Variants in VPS35L observed in about 807,000 individuals in gnomAD.
VPS35L encodes VPS35 endosomal protein sorting factor like, also known as VPS35 endosomal protein-sorting factor-like.
VPS35L carries 83 observed loss-of-function variants against 133.0 expected under a neutral mutation model. The ratio of observed to expected loss-of-function variants is 0.62; its 90% CI spans 0.52 to 0.75. The LOEUF (loss-of-function observed/expected upper bound fraction) is 0.75. Among genes scored for constraint, VPS35L ranks in the 30% least tolerant of loss-of-function variants. The pLI is 0.00. For missense variants in VPS35L, 1,083 were observed against 1,206.8 expected, an observed-to-expected ratio of 0.90 and a Z score of 1.52; for synonymous variants, 423 against 449.9, an observed-to-expected ratio of 0.94 and a Z score of 0.76.
At chr16:19,603,584 T>TAG (rs1972453651) in intron 9 of VPS35L, among the ~76,000 whole-genome samples, 2 of 152,152 alleles carry the variant, frequency 1.3e-5, no homozygotes, top group Non-Finnish European at 2.9e-5. Context: ...GTCACACCTG[T>TAG]GACGATGTTT....
rs183066058 is a variant in VPS35L at position 19,689,903 on chromosome 16, C to T, written c.2528-1450C>T. On this transcript the variant is annotated intron_variant, in intron 28 of 30. Coordinates refer to ENST00000417362, the MANE Select transcript of VPS35L (RefSeq NM_020314.7). ...ATTGTATGCTGATATAAAAATAGCA[C>T]GAAGATTTATTTTATTTTGTTTATT... is the stretch of plus-strand genomic sequence containing the variant. Among the ~76,000 whole-genome samples the T allele has an allele frequency of 3.0e-3, 449 of 152,172 alleles. 2 individuals are homozygous for T. Among genetic ancestry groups the T allele is most frequent in the African/African-American group, 0.01 (418 of 41,494 alleles).
intron 3 of VPS35L, among the ~76,000 whole-genome samples, chr16:19,571,784 A>G (rs1971393374): frequency 6.6e-6 from 1 of 150,986 alleles, no homozygotes; most frequent in Non-Finnish European, 1.5e-5. Flanking sequence ...ACCTCAGGTG[A>G]TCTGCCCACA....
rs777680155 is a variant in VPS35L at position 19,652,027 on chromosome 16, A to G, written c.2158A>G (p.Thr720Ala). 2 of 1,613,424 alleles carry G rather than the reference A, an allele frequency of 1.2e-6. No homozygotes were observed. Among genetic ancestry groups the G allele is most frequent in the Non-Finnish European group, 1.7e-6 (2 of 1,179,782 alleles). Residue 720 changes from threonine (T) to alanine (A), a missense_variant, in exon 26 of 31, where the codon ACA becomes GCA. Thr to Ala is a moderately conservative substitution (Grantham distance 58). Transcript: ENST00000417362. ...ITIPSLAGIFTRLNLYLHSGQ... is the reference protein window; with the variant it reads ...ITIPSLAGIFARLNLYLHSGQ... Reference sequence around the variant, plus strand: ...CATCCCCTCCCTGGCGGGCATCTTCACACGTCTCAATCTCTACCTGCATTC... The same window carrying G: ...CATCCCCTCCCTGGCGGGCATCTTCGCACGTCTCAATCTCTACCTGCATTC...
chr16:19,579,516 T>C (rs150203563), intron 6 of VPS35L: 2,132 of 157,238 alleles, frequency 0.014, 26 homozygotes, highest in Non-Finnish European at 0.02. Context: ...GCCAACATGG[T>C]GAAACCCTGA....
At chr16:19,590,117 T>C (rs971235356) in intron 7 of VPS35L, among the ~76,000 whole-genome samples, 1 of 149,516 alleles carries the variant, frequency 6.7e-6, no homozygotes, top group African/African-American at 2.5e-5. Context: ...ACTATTGTTT[T>C]TACAGCTTAC....
At chr16:19,578,000 A>T (rs1160473282) in intron 5 of VPS35L, among the ~76,000 whole-genome samples, 1 of 152,258 alleles carries the variant, frequency 6.6e-6, no homozygotes, top group African/African-American at 2.4e-5. Flanking sequence ...ACAATGAGCC[A>T]ACCCTTTGAT....
chr16:19,569,465 C>A lies in VPS35L; in HGVS notation c.159C>A (p.Ser53Arg). 6.2e-7 allele frequency: 1 copy of A among 1,604,754 alleles called. No homozygotes were observed. The highest frequency in any genetic ancestry group is 8.5e-7 in the Non-Finnish European group (1 of 1,175,848). The change falls in exon 3 of 31, where the codon AGC becomes AGA. Residue 53 changes from serine (S) to arginine (R), a missense_variant. Physicochemically the swap from Ser to Arg is moderately radical, Grantham distance 110. Transcript: ENST00000417362. ...SKTKKVNRKG[S>R]TSSTSSSSSS... is the part of the protein sequence containing the mutation. ...CAAAGAAAGTGAACCGGAAAGGAAG[C>A]ACTTCTTCCACGTCCTCCTCCTCCT...
rs186703807 is a variant in VPS35L, at chr16:19,667,459, T to A, written c.2222-1701T>A. ...GCTTAGAAAATAAGTGTTGGCCCAA[T>A]GCGGTGGCTCACGCCTGTAATCCCA... is the stretch of plus-strand genomic sequence containing the variant. On this transcript the variant is annotated intron_variant, in intron 26 of 30. Coordinates refer to ENST00000417362, the MANE Select transcript of VPS35L (RefSeq NM_020314.7). 2.6e-5 allele frequency among the ~76,000 whole-genome samples: 4 copies of A among 152,216 alleles called. No individual in the cohort carries two copies. In the East Asian group the frequency reaches 7.7e-4, roughly 29 times the overall value.
chr16:19,691,220 C>T, intron 28 of VPS35L, 133 bp from the exon 29 acceptor site: 1 of 702,658 alleles, frequency 1.4e-6, no homozygotes, highest in African/African-American at 1.8e-5. Flanking sequence ...GGGAAATTTC[C>T]GCCACTTCCA....
At chr16:19,691,221 G>C in intron 28 of VPS35L, 132 bp from the exon 29 acceptor site, 1 of 706,810 alleles carries the variant, frequency 1.4e-6, no homozygotes, top group South Asian at 1.7e-5. Context: ...GGAAATTTCC[G>C]CCACTTCCAT....
rs56019500 is a variant in VPS35L at position 19,627,056 on chromosome 16, T to C, written c.1272-638T>C. Among the ~76,000 whole-genome samples the C allele has an allele frequency of 5.8e-3, 884 of 151,718 alleles. 11 individuals are homozygous for C. The highest frequency in any genetic ancestry group is 0.02 in the African/African-American group (824 of 41,400). ...CAGCACTTTGGGAGGCTGAGACGGG[T>C]GGATCACCTGAGGTCAGGAGTTTGA... On this transcript the variant is annotated intron_variant, in intron 15 of 30. Transcript: ENST00000417362.
intron 18 of VPS35L, among the ~76,000 whole-genome samples, chr16:19,631,503 T>C (rs894713255): frequency 6.6e-6 from 1 of 152,154 alleles, no homozygotes; most frequent in East Asian, 1.9e-4. Flanking sequence ...TTTGGTCCTA[T>C]TTTTATTTTA....
chr16:19,600,477 G>C (rs1972347878), intron 8 of VPS35L, among the ~76,000 whole-genome samples: 1 of 152,292 alleles, frequency 6.6e-6, no homozygotes, highest in Admixed American at 6.5e-5. Flanking sequence ...ACATCAATTT[G>C]TTTGCACATT....
chr16:19,611,250 T>A (rs1972709851), intron 12 of VPS35L, among the ~76,000 whole-genome samples: 1 of 152,206 alleles, frequency 6.6e-6, no homozygotes, highest in Non-Finnish European at 1.5e-5. Context: ...TCTGCCCACG[T>A]TGGCCTCCCA....
At chr16:19,604,285 C>T (rs1178855777) in intron 9 of VPS35L, among the ~76,000 whole-genome samples, 1 of 152,134 alleles carries the variant, frequency 6.6e-6, no homozygotes, top group Non-Finnish European at 1.5e-5. Flanking sequence ...CAATAATCTT[C>T]CTTTCTCCCA....
At chr16:19,604,034 A>G (rs985274035) in intron 9 of VPS35L, among the ~76,000 whole-genome samples, 2 of 152,028 alleles carry the variant, frequency 1.3e-5, no homozygotes, top group Non-Finnish European at 2.9e-5. Context: ...GCCCGGCCGA[A>G]TCCATTTATT....
intron 1 of VPS35L, among the ~76,000 whole-genome samples, chr16:19,561,560 G>A (rs762701953): frequency 6.6e-6 from 1 of 152,068 alleles, no homozygotes; most frequent in African/African-American, 2.4e-5. Flanking sequence ...CTAGTTGCAC[G>A]GCACAATTAG....
At chr16:19,608,676 C>G (rs1972613577) in intron 10 of VPS35L, 1 of 414,534 alleles carries the variant, frequency 2.4e-6, no homozygotes, top group Non-Finnish European at 4.3e-6. Context: ...TCTTAGTTAC[C>G]TAAAGTTCTT....
In VPS35L at chr16:19,567,619, G is replaced by A. The variant is rs562452155; in HGVS notation, c.118-1805G>A. On this transcript the variant is annotated intron_variant, in intron 2 of 30. Coordinates refer to ENST00000417362, the MANE Select transcript of VPS35L (RefSeq NM_020314.7). ...TAGACTGCAGTTCAACTCCATTCAG[G>A]CAGCCATCGCCGGCAGTTGGCATCT... Among the ~76,000 whole-genome samples, 3 of 152,166 alleles carry A rather than the reference G, an allele frequency of 2.0e-5. No homozygotes were observed. The East Asian group carries it at 5.8e-4, about 29-fold the overall frequency.
Sources: gnomAD v4.1 joint callset for allele counts (sites outside exome capture counted in the v4.1 genomes callset) on GRCh38, gnomAD v4.1.1 for gene constraint, MANE v1.5 for transcripts, NCBI Gene and HGNC (gene_info 2026-07-23, HGNC 2026-07-21) for gene names.